Variants in STK39 observed in about 807,000 individuals in gnomAD.
STK39 encodes serine/threonine kinase 39.
A neutral mutation model predicts 77.8 loss-of-function variants in STK39; 20 were observed. The observed-to-expected ratio is 0.26, with a 90% CI of 0.18 to 0.37. The LOEUF (loss-of-function observed/expected upper bound fraction) is 0.37, where lower values mean the gene tolerates loss of function less well. STK39 is among the 10% of genes least tolerant of loss of function. STK39 has a pLI of 1.00. For missense variants in STK39, 479 were observed against 656.5 expected (o/e 0.73, Z 2.95); for synonymous variants, 246 against 234.1 (o/e 1.05, Z -0.47).
At chr2:168,193,251 C>T (rs892151124) in intron 1 of STK39, among the ~76,000 whole-genome samples, 11 of 152,198 alleles carry the variant, frequency 7.2e-5, no homozygotes, top group African/African-American at 2.2e-4. Flanking sequence ...TAAGTTACAA[C>T]CGCAATACAG....
chr2:168,128,189 TAAGAAA>T (rs1382945480), intron 10 of STK39, among the ~76,000 whole-genome samples: 1 of 151,946 alleles, frequency 6.6e-6, no homozygotes, highest in Non-Finnish European at 1.5e-5. Context: ...GGCCCAAAAA[TAAGAAA>T]AAGAAAAAGT....
chr2:168,172,424 T>C (rs1373422614), intron 2 of STK39, among the ~76,000 whole-genome samples: 1 of 152,224 alleles, frequency 6.6e-6, no homozygotes, highest in East Asian at 1.9e-4. Context: ...ACCCATGTTT[T>C]TCCTAATTTC....
chr2:168,143,999 C>T (rs1688064468), intron 5 of STK39, among the ~76,000 whole-genome samples: 1 of 152,188 alleles, frequency 6.6e-6, no homozygotes, highest in South Asian at 2.1e-4. Flanking sequence ...ATCTCCGGCA[C>T]CCTGGCTCTT....
intron 17 of STK39, among the ~76,000 whole-genome samples, chr2:167,956,692 A>ACACACACACACACACC (rs1691782125): frequency 4.4e-5 from 2 of 45,762 alleles, no homozygotes; most frequent in Non-Finnish European, 9.2e-5. Flanking sequence ...ACACACACAC[A>ACACACACACACACACC]CACACTCTCT....
chr2:168,016,529 C>T (rs1325877360), intron 15 of STK39, among the ~76,000 whole-genome samples: 1 of 152,090 alleles, frequency 6.6e-6, no homozygotes, highest in Non-Finnish European at 1.5e-5. Context: ...CAGGTAATAA[C>T]CGCAGAGGGG....
intron 10 of STK39, among the ~76,000 whole-genome samples, chr2:168,088,090 CA>C (rs1686418108): frequency 6.6e-6 from 1 of 152,088 alleles, no homozygotes; most frequent in African/African-American, 2.4e-5. Flanking sequence ...CACTCAAATG[CA>C]CTGATTTTTG....
chr2:168,076,184 C>G (rs937803406), intron 10 of STK39, among the ~76,000 whole-genome samples: 4 of 152,202 alleles, frequency 2.6e-5, no homozygotes, highest in Non-Finnish European at 5.9e-5. Flanking sequence ...TCCAGACAAT[C>G]TAGTCCAACC....
intron 14 of STK39, among the ~76,000 whole-genome samples, chr2:168,049,423 T>C (rs1012915578): frequency 7.9e-5 from 12 of 152,212 alleles, no homozygotes; most frequent in African/African-American, 2.9e-4. Context: ...TAACCAAGTA[T>C]CTGCCAATCA....
intron 1 of STK39, among the ~76,000 whole-genome samples, chr2:168,222,493 A>C (rs1690197959): frequency 6.6e-6 from 1 of 152,200 alleles, no homozygotes; most frequent in Non-Finnish European, 1.5e-5. Flanking sequence ...TAGTAGCATT[A>C]ATTATTTTGA....
At chr2:168,060,111 G>A (rs1342017733) in intron 14 of STK39, among the ~76,000 whole-genome samples, 4 of 152,052 alleles carry the variant, frequency 2.6e-5, no homozygotes, top group African/African-American at 9.7e-5. Flanking sequence ...TTCTCAAACT[G>A]AAGTACAAGG....
intron 10 of STK39, among the ~76,000 whole-genome samples, chr2:168,111,042 A>G (rs1476319833): frequency 3.9e-5 from 6 of 152,164 alleles, no homozygotes; most frequent in Admixed American, 2.0e-4. Flanking sequence ...CTGGTCTTAT[A>G]GGACTACTCA....
intron 5 of STK39, among the ~76,000 whole-genome samples, chr2:168,145,679 A>C (rs1231008015): frequency 1.3e-5 from 2 of 152,208 alleles, no homozygotes; most frequent in East Asian, 3.8e-4. Flanking sequence ...TGTACCTAAA[A>C]TACTTCAACA....
At chr2:168,116,205 A>G (rs1687254775) in intron 10 of STK39, among the ~76,000 whole-genome samples, 1 of 152,000 alleles carries the variant, frequency 6.6e-6, no homozygotes, top group South Asian at 2.1e-4. Context: ...CCCACCCCTC[A>G]CCCAAAACAA....
Position 168,017,414 on chromosome 2 carries a change from C to T in STK39, c.1377-319G>A, listed in dbSNP as rs984055078. Among the ~76,000 whole-genome samples, 28 of 114,328 alleles carry T rather than the reference C, an allele frequency of 2.4e-4. No homozygotes were observed. In the Admixed American group the frequency reaches 2.6e-3, roughly 10 times the overall value. The allele number at this position is 114,328 out of a possible 152,430, so 75.0% of individuals were successfully genotyped here. ...TTTTTTTTTTTTTGAGACAGAGTTTCGCTCTTGTTGTCCAGGCTGGAGTGC... is the reference window on the plus strand; with the variant it reads ...TTTTTTTTTTTTTGAGACAGAGTTTTGCTCTTGTTGTCCAGGCTGGAGTGC... On this transcript the variant is annotated intron_variant, in intron 14 of 17. Coordinates refer to ENST00000355999, the MANE Select transcript of STK39 (RefSeq NM_013233.3).
In STK39 at chr2:168,214,259, A is replaced by C. The variant is rs374259517; in HGVS notation, c.209-32169T>G. On this transcript the variant is annotated intron_variant, in intron 1 of 17. Transcript: ENST00000355999. ...TCAAAAATAACAACAACAACAACAA[A>C]AAAAAAACACAAGGTCCACTAAAAA... Among the ~76,000 whole-genome samples, 960 of 147,354 alleles carry C rather than the reference A, an allele frequency of 6.5e-3. 15 individuals carry two copies. The highest frequency in any genetic ancestry group is 0.022 in the African/African-American group (859 of 39,380).
chr2:168,148,422 C>A (rs1335476702), intron 5 of STK39, among the ~76,000 whole-genome samples: 1 of 152,176 alleles, frequency 6.6e-6, no homozygotes. Context: ...AAGCTTTCTG[C>A]TGTCCTGACT....
intron 16 of STK39, among the ~76,000 whole-genome samples, chr2:168,002,004 T>C (rs1429125061): frequency 2.6e-5 from 4 of 152,240 alleles, no homozygotes; most frequent in Admixed American, 2.0e-4. Flanking sequence ...CAAGCATATT[T>C]GATTCTGGAG....
chr2:168,107,725 C>T (rs144479360), intron 10 of STK39, among the ~76,000 whole-genome samples: 2 of 152,192 alleles, frequency 1.3e-5, no homozygotes, highest in Non-Finnish European at 2.9e-5. Flanking sequence ...AACTCTGGGA[C>T]ATTATGGGAA....
chr2:168,097,301 C>T (rs996536441), intron 10 of STK39, among the ~76,000 whole-genome samples: 1 of 152,222 alleles, frequency 6.6e-6, no homozygotes, highest in Admixed American at 6.5e-5. Flanking sequence ...AAGTCTTAGG[C>T]ATTGCCACAC....
Sources: allele counts gnomAD v4.1 joint callset (sites outside exome capture counted in the v4.1 genomes callset), GRCh38; gene constraint gnomAD v4.1.1; transcripts MANE v1.5; gene names NCBI Gene and HGNC (gene_info 2026-07-23, HGNC 2026-07-21).